Variants in TRIO observed in about 807,000 individuals in gnomAD.
TRIO encodes triple functional domain protein.
Under a neutral mutation model 351.9 loss-of-function variants are expected in TRIO, and 58 were observed. The ratio of observed to expected loss-of-function variants is 0.16; its 90% CI spans 0.13 to 0.21. TRIO has a LOEUF of 0.21. TRIO is among the 10% of genes least tolerant of loss of function. The pLI is 1.00. For missense variants in TRIO, 3,201 were observed against 4,027.8 expected (o/e 0.79, Z 5.56); for synonymous variants, 1,758 against 1,595.7 (o/e 1.10, Z -2.42).
intron 3 of TRIO, among the ~76,000 whole-genome samples, chr5:14,285,072 T>C (rs2152280278): frequency 6.6e-6 from 1 of 152,060 alleles, no homozygotes; most frequent in African/African-American, 2.4e-5. Context: ...TTTCTGGGAG[T>C]CCCATTTGCC....
At chr5:14,409,520 C>T (rs980294064) in intron 33 of TRIO, among the ~76,000 whole-genome samples, 4 of 152,132 alleles carry the variant, frequency 2.6e-5, no homozygotes, top group Non-Finnish European at 5.9e-5. Context: ...CCCTAAACTT[C>T]ACTCCTGAGC....
intron 1 of TRIO, among the ~76,000 whole-genome samples, chr5:14,246,038 A>C (rs1445667963): frequency 6.6e-6 from 1 of 152,124 alleles, no homozygotes; most frequent in Non-Finnish European, 1.5e-5. Context: ...GGGGAAAAAC[A>C]CTCATTATCC....
At chr5:14,184,205 TAA>T (rs1257194228) in intron 1 of TRIO, among the ~76,000 whole-genome samples, 1 of 152,092 alleles carries the variant, frequency 6.6e-6, no homozygotes, top group Non-Finnish European at 1.5e-5. Flanking sequence ...AATGTTTTTT[TAA>T]AAGAGATTTG....
chr5:14,436,995 G>A (rs1751637881), intron 34 of TRIO, among the ~76,000 whole-genome samples: 1 of 152,182 alleles, frequency 6.6e-6, no homozygotes, highest in African/African-American at 2.4e-5. Flanking sequence ...CTAGGCTCCT[G>A]TATGTGTGTG....
intron 18 of TRIO, among the ~76,000 whole-genome samples, chr5:14,372,230 G>A (rs965986525): frequency 3.2e-5 from 4 of 125,084 alleles, no homozygotes. Flanking sequence ...GCGATGGTGG[G>A]GGAAGAAAGA....
intron 1 of TRIO, among the ~76,000 whole-genome samples, chr5:14,223,935 A>G (rs1561221123): frequency 6.6e-6 from 1 of 152,182 alleles, no homozygotes; most frequent in Non-Finnish European, 1.5e-5. Flanking sequence ...AAGTGATTAC[A>G]TTTGTTATGC....
chr5:14,233,234 A>C (rs1165083537), intron 1 of TRIO, among the ~76,000 whole-genome samples: 1 of 150,492 alleles, frequency 6.6e-6, no homozygotes, highest in East Asian at 2.0e-4. Context: ...TAATCCCAGC[A>C]CTTCGGGAAG....
intron 33 of TRIO, among the ~76,000 whole-genome samples, chr5:14,418,311 G>A (rs1452429905): frequency 1.3e-5 from 2 of 152,120 alleles, no homozygotes; most frequent in Admixed American, 1.3e-4. Flanking sequence ...AGAGGATGAC[G>A]TGTTTTTAGA....
intron 11 of TRIO, among the ~76,000 whole-genome samples, chr5:14,349,777 A>C (rs1230813260): frequency 6.6e-6 from 1 of 152,204 alleles, no homozygotes; most frequent in Non-Finnish European, 1.5e-5. Flanking sequence ...TGTTATATAG[A>C]TAAACTCATG....
chr5:14,471,398 C>A lies in TRIO; in HGVS notation c.5844C>A (p.Ser1948=). 6.2e-7 allele frequency: 1 copy of A among 1,614,152 alleles called. No homozygotes were observed. Among genetic ancestry groups the A allele is most frequent in the African/African-American group, 1.3e-5 (1 of 75,036 alleles). The change falls in exon 38 of 57, where the codon TCC becomes TCA. Residue 1948 remains serine (S), a synonymous_variant. Coordinates refer to ENST00000344204, the MANE Select transcript of TRIO (RefSeq NM_007118.4). ...SSPSFNPSDN[S]LLSSSSPIDE... ...CTTCCTTCAACCCTTCGGATAATTC[C>A]CTTCTCTCTTCCTCCTCGCCCATTG... is the stretch of plus-strand genomic sequence containing the variant.
In TRIO at chr5:14,387,427, G is replaced by A. The variant is rs377331147; in HGVS notation, c.3571-11G>A. 3.8e-6 allele frequency: 6 copies of A among 1,595,042 alleles called. No individual in the cohort carries two copies. In the African/African-American group the frequency reaches 6.7e-5, roughly 18 times the overall value. ...ATTTGCCTCACAATACTTTCCTGTTGTTTTTTGCAGCAAACCAAAGAGAGA... is the reference window on the plus strand; with the variant it reads ...ATTTGCCTCACAATACTTTCCTGTTATTTTTTGCAGCAAACCAAAGAGAGA... On this transcript the variant is annotated splice_polypyrimidine_tract_variant and intron_variant, in intron 21 of 56. Transcript: ENST00000344204.
At chr5:14,309,914 A>G (rs75142879) in intron 8 of TRIO, among the ~76,000 whole-genome samples, 1 of 151,486 alleles carries the variant, frequency 6.6e-6, no homozygotes, top group East Asian at 1.9e-4. Context: ...CAGGGTTTAT[A>G]GTTTCTAGTC....
In TRIO at chr5:14,285,490, A is replaced by G. The variant is rs1339318642; in HGVS notation, c.348-1381A>G. 3.9e-5 allele frequency among the ~76,000 whole-genome samples: 6 copies of G among 152,114 alleles called. No homozygotes were observed. The East Asian group carries it at 1.2e-3, about 29-fold the overall frequency. ...AACGTGGGAAGCTAGTTAGTCTGAT[A>G]GTCTGAATCAAGATATAGAAGGGAA... On this transcript the variant is annotated intron_variant, in intron 3 of 56. Transcript: ENST00000344204.
At chr5:14,178,935 A>T (rs912073021) in intron 1 of TRIO, among the ~76,000 whole-genome samples, 1 of 152,168 alleles carries the variant, frequency 6.6e-6, no homozygotes, top group South Asian at 2.1e-4. Flanking sequence ...GTGTGAGCTA[A>T]GTGTGACTTG....
chr5:14,484,068 AACTGCACTCATCCATCCCGGGC>A (rs560812934), intron 46 of TRIO, among the ~76,000 whole-genome samples: 84 of 151,434 alleles, frequency 5.5e-4, no homozygotes, highest in Middle Eastern at 3.5e-3. Flanking sequence ...ATCCCCTGAG[AACTGCACTCATCCATCCCGGGC>A]ACTGCACTCA....
At chr5:14,338,330 A>G (rs1237163319) in intron 11 of TRIO, among the ~76,000 whole-genome samples, 1 of 152,174 alleles carries the variant, frequency 6.6e-6, no homozygotes, top group Non-Finnish European at 1.5e-5. Context: ...TTTTCCTTGC[A>G]GCCTGTCTTG....
Position 14,286,824 on chromosome 5 carries a change from T to C in TRIO, c.348-47T>C, listed in dbSNP as rs1561293372. On this transcript the variant is annotated intron_variant, in intron 3 of 56. Transcript: ENST00000344204. The surrounding 1 kb of genome is among the most constrained non-coding windows in gnomAD (Gnocchi z 4.4). ...CCAGTGGGACTCTGACCAGGCAGAG[T>C]GGCAAGAGATGTAACCCGTCTTCAG... The C allele has an allele frequency of 3.2e-6, 5 of 1,572,696 alleles. No individual in the cohort carries two copies. Among genetic ancestry groups the C allele is most frequent in the Non-Finnish European group, 4.3e-6 (5 of 1,158,212 alleles).
intron 2 of TRIO, among the ~76,000 whole-genome samples, chr5:14,277,439 C>T (rs560362055): frequency 3.9e-5 from 6 of 152,326 alleles, no homozygotes; most frequent in African/African-American, 1.4e-4. Context: ...CATACATAGA[C>T]ATCCTGTGAT....
chr5:14,471,991 G>A (rs1754726592), intron 38 of TRIO, among the ~76,000 whole-genome samples: 1 of 152,102 alleles, frequency 6.6e-6, no homozygotes, highest in African/African-American at 2.4e-5. Context: ...CAGCACCTCC[G>A]ATGGTGTTGG....
Sources: allele counts gnomAD v4.1 joint callset (sites outside exome capture counted in the v4.1 genomes callset), GRCh38; gene constraint gnomAD v4.1.1; non-coding constraint Gnocchi (gnomAD v3.1); transcripts MANE v1.5; gene names NCBI Gene and HGNC (gene_info 2026-07-23, HGNC 2026-07-21).